Variants in TCF4 observed in about 807,000 individuals in gnomAD.
TCF4 encodes transcription factor 4, also known as SL3-3 enhancer factor 2.
A neutral mutation model predicts 82.1 loss-of-function variants in TCF4; 3 were observed. The observed-to-expected ratio is 0.04, with a 90% CI of 0.02 to 0.09. TCF4 has a LOEUF of 0.09. Among genes scored for constraint, TCF4 ranks in the 10% least tolerant of loss-of-function variants. The probability of loss-of-function intolerance (pLI) is 1.00; values close to 1 mark genes in which losing one functional copy is unlikely to be tolerated. For synonymous variants in TCF4, 276 were observed against 309.6 expected, an observed-to-expected ratio of 0.89 and a Z score of 1.14; for missense variants, 518 against 852.7, an observed-to-expected ratio of 0.61 and a Z score of 4.89.
chr18:55,627,244 T>C lies in TCF4; in HGVS notation c.286+4054A>G, dbSNP rs78675244. On this transcript the variant is annotated intron_variant, in intron 2 of 20. Transcript: ENST00000398339. ...TATGAACATGTCCAGAAGAATGTTTTTGTCAACAAACATATTGAGCATTGA... is the reference window on the plus strand; with the variant it reads ...TATGAACATGTCCAGAAGAATGTTTCTGTCAACAAACATATTGAGCATTGA... Among the ~76,000 whole-genome samples, 87 of 152,272 alleles carry C rather than the reference T, an allele frequency of 5.7e-4. No individual in the cohort carries two copies. The East Asian group carries it at 0.016, about 27-fold the overall frequency.
chr18:55,396,174 G>C (rs2093479418), intron 6 of TCF4, among the ~76,000 whole-genome samples: 1 of 152,144 alleles, frequency 6.6e-6, no homozygotes, highest in African/African-American at 2.4e-5. Flanking sequence ...AAGTAGCAGG[G>C]AACCCAAGTT....
At chr18:55,510,337 A>G (rs964524121) in intron 3 of TCF4, among the ~76,000 whole-genome samples, 1 of 152,194 alleles carries the variant, frequency 6.6e-6, no homozygotes, top group African/African-American at 2.4e-5. Context: ...AGCAAAAAAA[A>G]GTTAGAGCTT....
chr18:55,632,836 G>C (rs2097732842), intron 1 of TCF4, among the ~76,000 whole-genome samples: 1 of 152,200 alleles, frequency 6.6e-6, no homozygotes, highest in South Asian at 2.1e-4. Flanking sequence ...AACTGGGATA[G>C]GGAATATTGG....
chr18:55,464,000 G>A, intron 4 of TCF4, 76 bp downstream of exon 4: 2 of 1,345,150 alleles, frequency 1.5e-6, no homozygotes, highest in East Asian at 2.3e-5. Flanking sequence ...GAGAGAGAGA[G>A]AGAAACACAC....
At chr18:55,441,721 G>T (rs186923464) in intron 5 of TCF4, among the ~76,000 whole-genome samples, 1 of 152,174 alleles carries the variant, frequency 6.6e-6, no homozygotes, top group African/African-American at 2.4e-5. Context: ...TTACATAATC[G>T]TATAATAAGT....
chr18:55,527,704 A>C (rs781441011), intron 3 of TCF4, among the ~76,000 whole-genome samples: 27 of 152,226 alleles, frequency 1.8e-4, no homozygotes, highest in Non-Finnish European at 2.6e-4. Flanking sequence ...ATTGAAAAAG[A>C]GAGTTCTTTT....
chr18:55,481,743 T>C (rs2096437391), intron 3 of TCF4, among the ~76,000 whole-genome samples: 2 of 152,218 alleles, frequency 1.3e-5, no homozygotes, highest in African/African-American at 4.8e-5. Context: ...CCACCCTGAC[T>C]CCTAGACGTC....
chr18:55,401,629 G>A (rs1198150380), intron 6 of TCF4: 1 of 989,056 alleles, frequency 1.0e-6, no homozygotes, highest in Non-Finnish European at 1.2e-6. Context: ...CCCGAGGGAA[G>A]TATTCCCCAC....
intron 11 of TCF4, chr18:55,264,901 T>A (rs1327805497): frequency 6.6e-6 from 1 of 152,194 alleles, no homozygotes; most frequent in Non-Finnish European, 1.5e-5. Flanking sequence ...TAAGAGGAAC[T>A]GTAATTTTTG....
At chr18:55,394,934 T>C (rs1316002729) in intron 6 of TCF4, among the ~76,000 whole-genome samples, 1 of 152,216 alleles carries the variant, frequency 6.6e-6, no homozygotes, top group Non-Finnish European at 1.5e-5. Flanking sequence ...CTCAACGATA[T>C]ATGCTTCTTT....
intron 6 of TCF4, among the ~76,000 whole-genome samples, chr18:55,366,737 G>A (rs984752767): frequency 1.3e-5 from 2 of 152,128 alleles, no homozygotes; most frequent in Non-Finnish European, 2.9e-5. Flanking sequence ...AACCTAGTAG[G>A]TCCTCTACAG....
At chr18:55,626,620 G>T (rs2097726776) in intron 2 of TCF4, among the ~76,000 whole-genome samples, 1 of 152,116 alleles carries the variant, frequency 6.6e-6, no homozygotes, top group African/African-American at 2.4e-5. Flanking sequence ...GGCATATGTA[G>T]GTAGTTATGG....
chr18:55,500,011 C>T (rs2096680156), intron 3 of TCF4, among the ~76,000 whole-genome samples: 1 of 152,152 alleles, frequency 6.6e-6, no homozygotes, highest in Non-Finnish European at 1.5e-5. Flanking sequence ...GGTGAAACCC[C>T]ATCTCTACTA....
intron 5 of TCF4, among the ~76,000 whole-genome samples, chr18:55,455,999 C>T (rs1244368115): frequency 1.3e-5 from 2 of 152,208 alleles, no homozygotes; most frequent in Non-Finnish European, 1.5e-5. Flanking sequence ...AAGACTGTGG[C>T]ACCTGCTTCT....
chr18:55,329,783 T>C (rs1044026570), intron 8 of TCF4, among the ~76,000 whole-genome samples: 3 of 152,182 alleles, frequency 2.0e-5, no homozygotes, highest in Admixed American at 6.5e-5. Context: ...ACCAAAGACA[T>C]GAAAATTGTC....
chr18:55,501,640 G>C (rs2096703492), intron 3 of TCF4, among the ~76,000 whole-genome samples: 1 of 151,916 alleles, frequency 6.6e-6, no homozygotes, highest in Non-Finnish European at 1.5e-5. Context: ...TTTTACTGTA[G>C]TGAAATAAAC....
At chr18:55,447,341 T>C (rs982306707) in intron 5 of TCF4, among the ~76,000 whole-genome samples, 1 of 151,802 alleles carries the variant, frequency 6.6e-6, no homozygotes. Flanking sequence ...AAGCTGATGG[T>C]GGAGTATCCC....
At chr18:55,327,441 T>G (rs763689791) in intron 8 of TCF4, among the ~76,000 whole-genome samples, 3 of 152,164 alleles carry the variant, frequency 2.0e-5, no homozygotes, top group Non-Finnish European at 4.4e-5. Flanking sequence ...GTTTGGAAGA[T>G]GCTTTTATCA....
rs571976719 is a variant in TCF4, at chr18:55,399,400, T to A, written c.369+4054A>T. Among the ~76,000 whole-genome samples the A allele has an allele frequency of 3.3e-5, 5 of 152,312 alleles. No individual in the cohort carries two copies. The South Asian group carries it at 8.3e-4, about 25-fold the overall frequency. The stretch of plus-strand genomic sequence containing the variant: ...AAATTCCATTAGTCATTTTAAGATG[T>A]AAACATTAAATAACTGTATCAGCAA... On this transcript the variant is annotated intron_variant, in intron 6 of 19. Coordinates refer to ENST00000354452, the MANE Select transcript of TCF4 (RefSeq NM_001083962.2).
Sources: allele counts gnomAD v4.1 joint callset (sites outside exome capture counted in the v4.1 genomes callset), GRCh38; gene constraint gnomAD v4.1.1; transcripts MANE v1.5; gene names NCBI Gene and HGNC (gene_info 2026-07-23, HGNC 2026-07-21).